Variants in BMAL1 observed in about 807,000 individuals in gnomAD.
BMAL1 encodes basic helix-loop-helix ARNT like 1.
At chr11:13,344,806 A>G in the BMAL1 span, among the ~76,000 whole-genome samples, 2 of 152,174 alleles carry the variant, frequency 1.3e-5, no homozygotes, top group Non-Finnish European at 2.9e-5. Context: ...GCAATTCAGC[A>G]TTCATTCCCT....
the BMAL1 span, among the ~76,000 whole-genome samples, chr11:13,296,248 CT>C: frequency 6.6e-6 from 1 of 152,204 alleles, no homozygotes; most frequent in Non-Finnish European, 1.5e-5. Context: ...AGTGATGGGG[CT>C]TTCCCAGCCC....
chr11:13,383,018 C>T, the BMAL1 span, among the ~76,000 whole-genome samples: 5 of 152,232 alleles, frequency 3.3e-5, no homozygotes, highest in Middle Eastern at 6.8e-3. Context: ...TGTGTTCTCA[C>T]GAGATGAGTC....
chr11:13,385,864 C>G, the BMAL1 span: 1 of 1,166,956 alleles, frequency 8.6e-7, no homozygotes, highest in Non-Finnish European at 1.3e-6. Flanking sequence ...ATTTTAAGAA[C>G]TGAACTGTGT....
the BMAL1 span, chr11:13,276,916 C>T: frequency 6.6e-6 from 1 of 152,242 alleles, no homozygotes; most frequent in Non-Finnish European, 1.5e-5. Flanking sequence ...GCAGAGAGCG[C>T]TGCCGCGGGG....
the BMAL1 span, among the ~76,000 whole-genome samples, chr11:13,376,168 A>G: frequency 1.2e-4 from 18 of 152,308 alleles, no homozygotes; most frequent in African/African-American, 3.1e-4. Context: ...CCTGTCAGGC[A>G]GGGGGCCCAA....
chr11:13,284,122 GTGTGTGTA>G, the BMAL1 span, among the ~76,000 whole-genome samples: 118 of 81,434 alleles, frequency 1.4e-3, 8 homozygotes, highest in Admixed American at 4.5e-3. Context: ...ATATATATGT[GTGTGTGTA>G]TATATATATA....
the BMAL1 span, among the ~76,000 whole-genome samples, chr11:13,285,906 A>C: frequency 6.6e-6 from 1 of 152,206 alleles, no homozygotes; most frequent in Non-Finnish European, 1.5e-5. Flanking sequence ...TTTTCTTATA[A>C]ATGCACTCCT....
the BMAL1 span, among the ~76,000 whole-genome samples, chr11:13,324,929 G>T: frequency 4.3e-4 from 66 of 152,338 alleles, no homozygotes; most frequent in Non-Finnish European, 7.5e-4. Context: ...GTGGGGGCTG[G>T]ACTGTAGGAG....
chr11:13,292,416 G>A, the BMAL1 span, among the ~76,000 whole-genome samples: 1 of 151,398 alleles, frequency 6.6e-6, no homozygotes, highest in Non-Finnish European at 1.5e-5. Flanking sequence ...GCGTAGTGGC[G>A]GGCGCCTGTA....
chr11:13,377,869 TTCATC>T, the BMAL1 span, among the ~76,000 whole-genome samples: 9 of 152,238 alleles, frequency 5.9e-5, no homozygotes, highest in Non-Finnish European at 1.3e-4. Context: ...CTAATTCATA[TTCATC>T]TCTCAAGACT....
the BMAL1 span, among the ~76,000 whole-genome samples, chr11:13,334,537 T>C: frequency 6.6e-6 from 1 of 151,432 alleles, no homozygotes; most frequent in African/African-American, 2.4e-5. Flanking sequence ...TGTTTTTTTT[T>C]TTTTTCCTGA....
At chr11:13,315,586 T>G in the BMAL1 span, among the ~76,000 whole-genome samples, 1 of 152,218 alleles carries the variant, frequency 6.6e-6, no homozygotes, top group African/African-American at 2.4e-5. Flanking sequence ...TGCTGGACTG[T>G]GGGTTTACGC....
chr11:13,366,733 G>C, the BMAL1 span: 2 of 1,614,128 alleles, frequency 1.2e-6, no homozygotes, highest in Non-Finnish European at 1.7e-6. Context: ...TCAAGGAGCA[G>C]CTCTCCTCCT....
the BMAL1 span, among the ~76,000 whole-genome samples, chr11:13,313,951 A>G: frequency 1.5e-5 from 2 of 130,932 alleles, no homozygotes; most frequent in Admixed American, 1.0e-4. Flanking sequence ...ACCTCAGCCT[A>G]GCTACCAACA....
chr11:13,370,346 C>T, the BMAL1 span, among the ~76,000 whole-genome samples: 1 of 152,164 alleles, frequency 6.6e-6, no homozygotes, highest in Admixed American at 6.5e-5. Context: ...CTTCCACATT[C>T]ATATTTCCAG....
the BMAL1 span, chr11:13,375,827 G>T: frequency 6.9e-7 from 1 of 1,450,868 alleles, no homozygotes; most frequent in Non-Finnish European, 9.2e-7. Flanking sequence ...TTCCTCATCT[G>T]GGAAATGGGG....
the BMAL1 span, among the ~76,000 whole-genome samples, chr11:13,383,072 T>G: frequency 7.9e-5 from 12 of 152,296 alleles, no homozygotes; most frequent in South Asian, 2.1e-3. Flanking sequence ...AACAAGACAG[T>G]TAAAACTGAC....
At chr11:13,308,566 C>T in the BMAL1 span, among the ~76,000 whole-genome samples, 1 of 152,140 alleles carries the variant, frequency 6.6e-6, no homozygotes, top group Non-Finnish European at 1.5e-5. Flanking sequence ...ACCAGGAGAG[C>T]TAGAGGGCAT....
At chr11:13,291,822 G>GAATACTCTGTATGATACAC in the BMAL1 span, among the ~76,000 whole-genome samples, 11 of 152,224 alleles carry the variant, frequency 7.2e-5, no homozygotes, top group African/African-American at 2.7e-4. Context: ...GTATGATACA[G>GAATACTCTGTATGATACAC]AATACTCACA....
Sources: gnomAD v4.1 joint callset for allele counts (sites outside exome capture counted in the v4.1 genomes callset) on GRCh38, gnomAD v4.1.1 for gene constraint, MANE v1.5 for transcripts, NCBI Gene and HGNC (gene_info 2026-07-23, HGNC 2026-07-21) for gene names.